FAM185A: variants seen among roughly 807,000 people sequenced by gnomAD.
The protein encoded by FAM185A is protein FAM185A.
FAM185A carries 21 observed loss-of-function variants against 45.7 expected under a neutral mutation model. The ratio of observed to expected loss-of-function variants is 0.46; its 90% confidence interval spans 0.33 to 0.66. The LOEUF is 0.66. Among genes scored for constraint, FAM185A ranks in the 30% least tolerant of loss-of-function variants. The probability of loss-of-function intolerance (pLI) is 0.03; values close to 1 mark genes in which losing one functional copy is unlikely to be tolerated. For synonymous variants in FAM185A, 117 were observed against 194.0 expected, an observed-to-expected ratio of 0.60 and a Z score of 3.30; for missense variants, 305 against 485.4, an observed-to-expected ratio of 0.63 and a Z score of 3.49.
At chr7:102,783,873 CA>C (rs1239946556) in intron 6 of FAM185A, among the ~76,000 whole-genome samples, 4 of 152,174 alleles carry the variant, frequency 2.6e-5, no homozygotes, top group African/African-American at 9.6e-5. Flanking sequence ...AAAAACCCTT[CA>C]AAAAATCAAT....
intron 3 of FAM185A, among the ~76,000 whole-genome samples, chr7:102,760,237 A>C (rs1020063521): frequency 1.7e-4 from 26 of 152,028 alleles, no homozygotes; most frequent in Non-Finnish European, 3.5e-4. Context: ...TATATTCATA[A>C]TAACTAAGTG....
At chr7:102,795,445 C>T (rs569055370) in intron 7 of FAM185A, among the ~76,000 whole-genome samples, 3 of 152,034 alleles carry the variant, frequency 2.0e-5, no homozygotes, top group Admixed American at 1.3e-4. Flanking sequence ...CTTACCTTCC[C>T]ACCTGAAACA....
the FAM185A span, among the ~76,000 whole-genome samples, chr7:102,848,398 T>C: frequency 2.0e-5 from 2 of 98,070 alleles, 1 homozygote; most frequent in Non-Finnish European, 3.7e-5. Context: ...CTACTAAAAA[T>C]ACAAAAAATT....
In FAM185A at chr7:102,788,926, C is replaced by T. The variant is rs532123188; in HGVS notation, c.1066+1457C>T. On this transcript the variant is annotated intron_variant, in intron 7 of 7. Coordinates refer to ENST00000413034, the MANE Select transcript of FAM185A (RefSeq NM_001145268.2). ...ATGGCATAAAAGATAAAACATGGTA[C>T]GCCTGTATAGGGCACTTACCATAAG... is the stretch of plus-strand genomic sequence containing the variant. Among the ~76,000 whole-genome samples the T allele has an allele frequency of 3.4e-4, 52 of 152,036 alleles. 1 individual carries two copies. Among genetic ancestry groups the T allele is most frequent in the Non-Finnish European group, 7.2e-4 (49 of 68,016 alleles).
In FAM185A at chr7:102,749,545, G is replaced by A. The variant is rs1243458087; in HGVS notation, c.338G>A (p.Arg113Gln). 5 of 1,520,104 alleles carry A rather than the reference G, an allele frequency of 3.3e-6. No individual in the cohort carries two copies. The highest frequency in any genetic ancestry group is 4.4e-6 in the Non-Finnish European group (5 of 1,133,554). The allele number at this position is 1,520,104 out of a possible 1,614,324, so 94.2% of individuals were successfully genotyped here. A position where few individuals can be genotyped will look rare whatever the true frequency, so the allele number is the denominator to read the frequency against. ...VAVCGVEGGV[R>Q]GLDGLQVKYD... ...GTGTGCGGCGTGGAGGGCGGCGTGC[G>A]GGGCCTGGACGGCCTGCAGGTGAAG... The change falls in exon 1 of 8, where the codon CGG becomes CAG. Residue 113 changes from arginine to glutamine, a missense_variant. Arg to Gln is a conservative substitution (Grantham distance 43, BLOSUM62 1). Transcript: ENST00000413034.
At chr7:102,826,860 C>A in the FAM185A span, among the ~76,000 whole-genome samples, 1 of 140,866 alleles carries the variant, frequency 7.1e-6, no homozygotes, top group East Asian at 2.0e-4. Flanking sequence ...TATATATTTC[C>A]AAGAGAGGGA....
At position 102,749,003 on chromosome 7, in the gene FAM185A, C is replaced by A. The variant is rs767273194; in HGVS notation, c.-205C>A. ...AAGGGGTCCAGGTCAGAGTTTAGAG[C>A]TTTCAAATCCCAACTTGCCCCTGGG... On this transcript the variant is annotated 5_prime_UTR_variant, in exon 1 of 8. Coordinates refer to ENST00000413034, the MANE Select transcript of FAM185A (RefSeq NM_001145268.2). 4 of 824,632 alleles carry A rather than the reference C, an allele frequency of 4.9e-6. No individual in the cohort carries two copies. The highest frequency in any genetic ancestry group is 4.0e-5 in the Admixed American group (2 of 50,074). 51.1% of individuals were successfully genotyped at this position (824,632 alleles called of 1,614,324 possible). A position where few individuals can be genotyped will look rare whatever the true frequency, so the allele number is the denominator to read the frequency against.
chr7:102,765,530 A>G (rs1794337724), intron 4 of FAM185A, among the ~76,000 whole-genome samples: 1 of 151,892 alleles, frequency 6.6e-6, no homozygotes, highest in Non-Finnish European at 1.5e-5. Context: ...ACTAGTGCCG[A>G]GTACTTAGAG....
Sources: allele counts gnomAD v4.1 joint callset (sites outside exome capture counted in the v4.1 genomes callset), GRCh38; gene constraint gnomAD v4.1.1; transcripts MANE v1.5; gene names NCBI Gene and HGNC (gene_info 2026-07-23, HGNC 2026-07-21).